Variants in ADAMTS19 observed in about 807,000 individuals in gnomAD.
The protein encoded by ADAMTS19 is A disintegrin and metalloproteinase with thrombospondin motifs 19.
Under a neutral mutation model 153.3 loss-of-function variants are expected in ADAMTS19, and 93 were observed. That is an observed-to-expected ratio of 0.61 (90% CI 0.51 to 0.72). The LOEUF (loss-of-function observed/expected upper bound fraction) is 0.72, where lower values mean the gene tolerates loss of function less well. Among genes scored for constraint, ADAMTS19 ranks in the 30% least tolerant of loss-of-function variants. The pLI is 0.00. For missense variants in ADAMTS19, 1,482 were observed against 1,552.1 expected (o/e 0.95, Z 0.76); for synonymous variants, 600 against 556.6 (o/e 1.08, Z -1.10).
chr5:129,575,744 C>T (rs1025903583), intron 7 of ADAMTS19, among the ~76,000 whole-genome samples: 2 of 151,952 alleles, frequency 1.3e-5, no homozygotes, highest in African/African-American at 4.8e-5. Context: ...GTGTCATAAA[C>T]ATTATATTTT....
intron 6 of ADAMTS19, among the ~76,000 whole-genome samples, chr5:129,542,609 A>G (rs1341461622): frequency 6.6e-6 from 1 of 152,182 alleles, no homozygotes; most frequent in Non-Finnish European, 1.5e-5. Context: ...GCTGCTTACC[A>G]TGGGAAAAGT....
intron 22 of ADAMTS19, among the ~76,000 whole-genome samples, chr5:129,736,126 A>G (rs1353721438): frequency 6.6e-6 from 1 of 152,048 alleles, no homozygotes; most frequent in African/African-American, 2.4e-5. Flanking sequence ...ACAAAAAGTT[A>G]AGCAATTCTA....
intron 10 of ADAMTS19, among the ~76,000 whole-genome samples, chr5:129,633,330 T>C (rs1752390645): frequency 2.0e-5 from 3 of 152,152 alleles, no homozygotes; most frequent in South Asian, 4.1e-4. Context: ...TTTATGAAAA[T>C]CATAACACAT....
chr5:129,643,384 A>C (rs1272017299), intron 11 of ADAMTS19, among the ~76,000 whole-genome samples: 3 of 147,080 alleles, frequency 2.0e-5, no homozygotes. Flanking sequence ...AAAAAAAAAA[A>C]AAGAAAAAAA....
chr5:129,646,399 A>G (rs923761979), intron 11 of ADAMTS19, among the ~76,000 whole-genome samples: 9 of 152,314 alleles, frequency 5.9e-5, no homozygotes, highest in Middle Eastern at 3.4e-3. Flanking sequence ...CTATAAAAGT[A>G]AAGCACTAAC....
chr5:129,665,124 C>A (rs149420251), intron 15 of ADAMTS19, among the ~76,000 whole-genome samples: 3 of 152,144 alleles, frequency 2.0e-5, no homozygotes, highest in Admixed American at 2.0e-4. Context: ...CACTTTCTAA[C>A]CTAAAGAAGT....
At position 129,574,722 on chromosome 5, in the gene ADAMTS19, G is replaced by A. The variant is rs562454961; in HGVS notation, c.1373-21837G>A. ...TTGCTTATACAATTTGATGAGTTTG[G>A]ATGTATATATAAATTCTTAAAATTT... On this transcript the variant is annotated intron_variant, in intron 7 of 22. Coordinates refer to ENST00000274487, the MANE Select transcript of ADAMTS19 (RefSeq NM_133638.6). Among the ~76,000 whole-genome samples the A allele has an allele frequency of 5.6e-3, 846 of 151,626 alleles. 6 individuals carry two copies. Among genetic ancestry groups the A allele is most frequent in the Middle Eastern group, 0.01 (3 of 294 alleles).
intron 8 of ADAMTS19, among the ~76,000 whole-genome samples, chr5:129,614,414 A>G (rs980707347): frequency 6.6e-6 from 1 of 152,174 alleles, no homozygotes; most frequent in Admixed American, 6.6e-5. Context: ...CCAGCATATA[A>G]ACAGAACCAA....
intron 3 of ADAMTS19, among the ~76,000 whole-genome samples, chr5:129,522,828 G>A (rs1019461162): frequency 6.6e-6 from 1 of 152,086 alleles, no homozygotes; most frequent in African/African-American, 2.4e-5. Flanking sequence ...GGCCAAGGCA[G>A]GCAGATCATC....
chr5:129,615,769 A>T (rs1329368406), intron 8 of ADAMTS19, among the ~76,000 whole-genome samples: 1 of 151,978 alleles, frequency 6.6e-6, no homozygotes, highest in Non-Finnish European at 1.5e-5. Context: ...AATAGAATTG[A>T]AAAGGGGCAG....
intron 7 of ADAMTS19, among the ~76,000 whole-genome samples, chr5:129,572,093 A>T (rs990989132): frequency 6.6e-5 from 10 of 151,950 alleles, no homozygotes; most frequent in African/African-American, 2.4e-4. Context: ...GAGTTCTTTC[A>T]TATGACACCA....
At chr5:129,654,470 G>A (rs770579556) in intron 14 of ADAMTS19, 37 bp downstream of exon 14, 9 of 1,590,014 alleles carry the variant, frequency 5.7e-6, no homozygotes, top group Non-Finnish European at 7.7e-6. Context: ...TTTATATGTT[G>A]AAGGAAAATT....
intron 7 of ADAMTS19, among the ~76,000 whole-genome samples, chr5:129,574,055 G>A (rs544846200): frequency 1.7e-4 from 26 of 151,988 alleles, no homozygotes; most frequent in African/African-American, 6.0e-4. Context: ...AGTACCACGG[G>A]TTTTAAAATG....
chr5:129,625,906 G>A (rs1455118360), intron 10 of ADAMTS19, among the ~76,000 whole-genome samples: 1 of 152,102 alleles, frequency 6.6e-6, no homozygotes, highest in Admixed American at 6.5e-5. Flanking sequence ...TTTTAGTCCT[G>A]AAGTCCTTGC....
intron 2 of ADAMTS19, among the ~76,000 whole-genome samples, chr5:129,479,050 T>C (rs537678902): frequency 6.6e-6 from 1 of 152,228 alleles, no homozygotes; most frequent in South Asian, 2.1e-4. Flanking sequence ...AGTCACTCAG[T>C]TTTATAGATA....
chr5:129,647,427 G>A (rs907318913), intron 11 of ADAMTS19, among the ~76,000 whole-genome samples: 2 of 151,498 alleles, frequency 1.3e-5, no homozygotes, highest in African/African-American at 2.4e-5. Context: ...AATTATTATC[G>A]GTTTCTTAAA....
intron 21 of ADAMTS19, among the ~76,000 whole-genome samples, chr5:129,710,656 C>T (rs765223533): frequency 1.3e-5 from 2 of 152,178 alleles, no homozygotes; most frequent in Admixed American, 6.5e-5. Flanking sequence ...TTTTTCTATA[C>T]AGAAGCTTGT....
intron 2 of ADAMTS19, among the ~76,000 whole-genome samples, chr5:129,480,655 G>A (rs1750376300): frequency 1.3e-5 from 2 of 152,074 alleles, no homozygotes; most frequent in South Asian, 4.1e-4. Context: ...AATATTATTA[G>A]TCATTAAGAA....
At chr5:129,536,512 C>T (rs1324042666) in intron 6 of ADAMTS19, among the ~76,000 whole-genome samples, 3 of 152,190 alleles carry the variant, frequency 2.0e-5, no homozygotes, top group Non-Finnish European at 2.9e-5. Flanking sequence ...GGCGATTCCT[C>T]AGGGATCTAG....
Sources: allele counts gnomAD v4.1 joint callset (sites outside exome capture counted in the v4.1 genomes callset), GRCh38; gene constraint gnomAD v4.1.1; transcripts MANE v1.5; gene names NCBI Gene and HGNC (gene_info 2026-07-23, HGNC 2026-07-21).